KANK1: variants seen among roughly 807,000 people sequenced by gnomAD.
KANK1 encodes KN motif and ankyrin repeat domains 1.
Under a neutral mutation model 106.2 loss-of-function variants are expected in KANK1, and 109 were observed. The observed-to-expected ratio is 1.03, with a 90% CI of 0.88 to 1.20. The LOEUF (loss-of-function observed/expected upper bound fraction) is 1.20. Among genes scored for constraint, KANK1 ranks in the 50% most tolerant of loss-of-function variants. The pLI is 0.00. For synonymous variants in KANK1, 873 were observed against 652.2 expected (o/e 1.34, Z -5.16); for missense variants, 2,399 against 1,710.7 (o/e 1.40, Z -7.10).
At chr9:710,253 A>G (rs1400691665) in intron 2 of KANK1, among the ~76,000 whole-genome samples, 1 of 152,230 alleles carries the variant, frequency 6.6e-6, no homozygotes, top group African/African-American at 2.4e-5. Context: ...ATTGTTTTTA[A>G]GCCTGTGAGT....
At chr9:518,889 AT>A (rs141987271) in intron 1 of KANK1, among the ~76,000 whole-genome samples, 51,439 of 147,514 alleles carry the variant, frequency 0.35, 9,050 homozygotes, top group Admixed American at 0.4. Flanking sequence ...TTGTCTTTAA[AT>A]TTTTTTTTTT....
At position 544,640 on chromosome 9, in the gene KANK1, C is replaced by G. The variant is rs535814596; in HGVS notation, c.-84+39886C>G. The stretch of plus-strand genomic sequence containing the variant: ...AGCGCTCTGATAGGGGAAGTACGGG[C>G]TGTTATGGGCGCTTCATACTGGGAA... On this transcript the variant is annotated intron_variant, in intron 1 of 11. Coordinates refer to ENST00000382297, the MANE Select transcript of KANK1 (RefSeq NM_015158.5). Among the ~76,000 whole-genome samples the G allele has an allele frequency of 6.9e-4, 105 of 152,134 alleles. 3 individuals are homozygous for G. The South Asian group carries it at 0.021, about 30-fold the overall frequency.
intron 3 of KANK1, among the ~76,000 whole-genome samples, chr9:476,986 C>T (rs2058115853): frequency 6.6e-6 from 1 of 152,148 alleles, no homozygotes; most frequent in South Asian, 2.1e-4. Context: ...TCCCGCTTCT[C>T]ATCTGTTCAA....
chr9:736,807 T>C (rs1833922306), intron 7 of KANK1, among the ~76,000 whole-genome samples: 1 of 152,186 alleles, frequency 6.6e-6, no homozygotes, highest in East Asian at 1.9e-4. Context: ...AGTAAAACCA[T>C]AAAATCTCAC....
At chr9:535,999 T>C (rs72707750) in intron 1 of KANK1, among the ~76,000 whole-genome samples, 9,117 of 152,220 alleles carry the variant, frequency 0.06, 309 homozygotes, top group South Asian at 0.083. Flanking sequence ...CTAAAGTCTT[T>C]TAGTTTTCTA....
chr9:628,893 A>T (rs953307404), intron 1 of KANK1, among the ~76,000 whole-genome samples: 1 of 151,800 alleles, frequency 6.6e-6, no homozygotes, highest in African/African-American at 2.4e-5. Flanking sequence ...AGCCTGGCCA[A>T]CATGGCGAAA....
chr9:656,943 C>G (rs1166543870), intron 1 of KANK1, among the ~76,000 whole-genome samples: 3 of 152,036 alleles, frequency 2.0e-5, no homozygotes, highest in Non-Finnish European at 4.4e-5. Flanking sequence ...TAAGTGTACA[C>G]TTCATTATTG....
chr9:560,894 GAGACCTGGATCAGTAGC>G (rs1816246254), intron 1 of KANK1, among the ~76,000 whole-genome samples: 1 of 152,176 alleles, frequency 6.6e-6, no homozygotes, highest in Non-Finnish European at 1.5e-5. Flanking sequence ...TATAGAATGG[GAGACCTGGATCAGTAGC>G]AGCTCTTGTT....
chr9:479,670 T>C (rs569326095), intron 3 of KANK1, among the ~76,000 whole-genome samples: 8 of 152,312 alleles, frequency 5.3e-5, no homozygotes, highest in African/African-American at 1.9e-4. Flanking sequence ...GATAAGAATA[T>C]ATTTGATTTT....
chr9:683,704 T>C (rs913722687), intron 2 of KANK1, among the ~76,000 whole-genome samples: 2 of 152,224 alleles, frequency 1.3e-5, no homozygotes, highest in Non-Finnish European at 2.9e-5. Flanking sequence ...AGGGATTATG[T>C]TGGTAAGTTA....
At chr9:621,389 C>T (rs148062767) in intron 1 of KANK1, among the ~76,000 whole-genome samples, 31 of 152,086 alleles carry the variant, frequency 2.0e-4, no homozygotes, top group African/African-American at 6.8e-4. Context: ...TTCAGTTCCA[C>T]GTAATACTGA....
rs1288267526 is a variant in KANK1, at chr9:644,433, G to A, written c.-83-32457G>A. ...AAAGAAAAGGGGTTTAATTGGCTCA[G>A]GGTTCCGCAGGCCAGGAAGCATGGT... On this transcript the variant is annotated intron_variant, in intron 1 of 11. Transcript: ENST00000382297. Among the ~76,000 whole-genome samples, 4 of 150,966 alleles carry A rather than the reference G, an allele frequency of 2.6e-5. 1 individual carries two copies. Among genetic ancestry groups the A allele is most frequent in the African/African-American group, 5.0e-5 (2 of 40,270 alleles).
intron 1 of KANK1, among the ~76,000 whole-genome samples, chr9:631,856 C>T (rs968720282): frequency 3.3e-5 from 5 of 152,188 alleles, no homozygotes; most frequent in African/African-American, 1.2e-4. Context: ...AGCCTCATTT[C>T]AGGGGTGGTG....
At chr9:514,177 TTC>T (rs2059167797) in intron 1 of KANK1, among the ~76,000 whole-genome samples, 1 of 77,238 alleles carries the variant, frequency 1.3e-5, no homozygotes, top group Non-Finnish European at 2.1e-5. Flanking sequence ...TCTCCCTCCC[TTC>T]CTCTCTCCCT....
chr9:698,368 A>G (rs1457612653), intron 2 of KANK1, among the ~76,000 whole-genome samples: 1 of 151,648 alleles, frequency 6.6e-6, no homozygotes, highest in Non-Finnish European at 1.5e-5. Flanking sequence ...TCCTGCCCTC[A>G]CTCATGCCAT....
In KANK1 at chr9:712,482, G is replaced by C; in HGVS notation, c.1716G>C (p.Lys572Asn). 6.2e-6 allele frequency: 10 copies of C among 1,614,186 alleles called. No homozygotes were observed. Among genetic ancestry groups the C allele is most frequent in the African/African-American group, 1.3e-5 (1 of 75,044 alleles). ...PELPMNWWIV[K>N]ERVEMHDRCA... ...TGCCTATGAATTGGTGGATTGTTAA[G>C]GAGAGGGTGGAAATGCATGACCGAT... The change falls in exon 3 of 12, where the codon AAG (lysine) becomes AAC (asparagine). Residue 572 changes from lysine (K) to asparagine (N), a missense_variant. Lys to Asn is a moderately conservative substitution (Grantham distance 94). Coordinates refer to ENST00000382297, the MANE Select transcript of KANK1 (RefSeq NM_015158.5).
At chr9:564,615 A>G (rs1424806255) in intron 1 of KANK1, among the ~76,000 whole-genome samples, 1 of 152,214 alleles carries the variant, frequency 6.6e-6, no homozygotes, top group Non-Finnish European at 1.5e-5. Flanking sequence ...TTATATTAAT[A>G]TTAAAAGCTA....
At chr9:676,767 C>T (rs1054360964) in intron 1 of KANK1, 123 bp from the exon 2 acceptor site, 5 of 507,148 alleles carry the variant, frequency 9.9e-6, no homozygotes, top group Non-Finnish European at 1.8e-5. Context: ...GATCTATAGT[C>T]TTTCTCCCCC....
intron 3 of KANK1, among the ~76,000 whole-genome samples, chr9:716,757 A>T (rs964761146): frequency 6.6e-6 from 1 of 152,234 alleles, no homozygotes; most frequent in African/African-American, 2.4e-5. Context: ...TAGAGCATGC[A>T]TCATAAGAAA....
Sources: allele counts gnomAD v4.1 joint callset (sites outside exome capture counted in the v4.1 genomes callset), GRCh38; gene constraint gnomAD v4.1.1; transcripts MANE v1.5; gene names NCBI Gene and HGNC (gene_info 2026-07-23, HGNC 2026-07-21).